Variants in NRCAM observed in about 807,000 individuals in gnomAD.
The protein encoded by NRCAM is neuronal cell adhesion molecule.
NRCAM carries 83 observed loss-of-function variants against 156.5 expected under a neutral mutation model. The ratio of observed to expected loss-of-function variants is 0.53; its 90% confidence interval spans 0.44 to 0.64. The LOEUF (loss-of-function observed/expected upper bound fraction) is 0.64. Among genes scored for constraint, NRCAM ranks in the 30% least tolerant of loss-of-function variants. NRCAM has a pLI of 0.00. For synonymous variants in NRCAM, 538 were observed against 563.9 expected, an observed-to-expected ratio of 0.95 and a Z score of 0.65; for missense variants, 1,417 against 1,597.3, an observed-to-expected ratio of 0.89 and a Z score of 1.92.
intron 28 of NRCAM, among the ~76,000 whole-genome samples, chr7:108,168,704 G>A (rs1054267911): frequency 3.3e-5 from 5 of 152,106 alleles, no homozygotes; most frequent in South Asian, 2.1e-4. Context: ...AAATGTCACC[G>A]TCTTCATTTA....
rs534028428 is a variant in NRCAM at position 108,201,154 on chromosome 7, C to A, written c.1208-3055G>T. ...ATAATACAAGAATAAAGTAGAGAAACAAACTAAATTTTTAAGGTCGGTAAA... is the reference window on the plus strand; with the variant it reads ...ATAATACAAGAATAAAGTAGAGAAAAAAACTAAATTTTTAAGGTCGGTAAA... On this transcript the variant is annotated intron_variant, in intron 13 of 32. Transcript: ENST00000379028. Among the ~76,000 whole-genome samples, 138 of 132,080 alleles carry A rather than the reference C, an allele frequency of 1.0e-3. 1 individual carries two copies. Among genetic ancestry groups the A allele is most frequent in the Non-Finnish European group, 1.5e-3 (91 of 61,176 alleles). The allele number at this position is 132,080 out of a possible 152,430, so 86.6% of individuals were successfully genotyped here. A position where few individuals can be genotyped will look rare whatever the true frequency, so the allele number is the denominator to read the frequency against.
chr7:108,334,419 C>G (rs73418484), intron 2 of NRCAM, among the ~76,000 whole-genome samples: 5,410 of 152,272 alleles, frequency 0.036, 349 homozygotes, highest in African/African-American at 0.12. Context: ...AATCCATCCC[C>G]TACCTACGAC....
At chr7:108,213,439 A>C (rs2085900915) in intron 11 of NRCAM, among the ~76,000 whole-genome samples, 1 of 152,200 alleles carries the variant, frequency 6.6e-6, no homozygotes, top group South Asian at 2.1e-4. Context: ...ATTGAATGTA[A>C]ATGGCCTGAG....
At chr7:108,316,785 T>A (rs1307119217) in intron 2 of NRCAM, among the ~76,000 whole-genome samples, 1 of 135,972 alleles carries the variant, frequency 7.4e-6, no homozygotes, top group African/African-American at 2.8e-5. Flanking sequence ...CAAGACTCCA[T>A]CTCAAAAAAA....
intron 2 of NRCAM, among the ~76,000 whole-genome samples, chr7:108,393,559 C>A (rs185526457): frequency 2.6e-5 from 4 of 152,080 alleles, no homozygotes; most frequent in Admixed American, 2.0e-4. Context: ...CACCTTGCTT[C>A]GGCTCTCACT....
At chr7:108,385,338 A>AG in intron 2 of NRCAM, among the ~76,000 whole-genome samples, 1 of 152,342 alleles carries the variant, frequency 6.6e-6, no homozygotes, top group Non-Finnish European at 1.5e-5. Context: ...ACTGTTAACC[A>AG]GGTAAGTGTA....
chr7:108,326,990 C>T (rs1212959738), intron 2 of NRCAM, among the ~76,000 whole-genome samples: 1 of 152,130 alleles, frequency 6.6e-6, no homozygotes, highest in Non-Finnish European at 1.5e-5. Context: ...CTCCCTTCTC[C>T]CTCACTCTCT....
At chr7:108,352,266 T>C (rs2099418526) in intron 2 of NRCAM, among the ~76,000 whole-genome samples, 1 of 152,210 alleles carries the variant, frequency 6.6e-6, no homozygotes, top group Admixed American at 6.5e-5. Context: ...ACCAGTCCAT[T>C]AAAATAATGA....
chr7:108,333,781 A>G (rs1188507027), intron 2 of NRCAM, among the ~76,000 whole-genome samples: 1 of 152,234 alleles, frequency 6.6e-6, no homozygotes, highest in East Asian at 1.9e-4. Flanking sequence ...TAAAAGATCA[A>G]TGCAACTCTT....
intron 8 of NRCAM, among the ~76,000 whole-genome samples, chr7:108,230,748 T>C (rs2094217624): frequency 6.6e-6 from 1 of 152,056 alleles, no homozygotes; most frequent in African/African-American, 2.4e-5. Flanking sequence ...ATAGAACTTA[T>C]TGCCAACAAA....
chr7:108,162,907 C>A (rs985758746), intron 30 of NRCAM, among the ~76,000 whole-genome samples: 2 of 152,062 alleles, frequency 1.3e-5, no homozygotes, highest in African/African-American at 2.4e-5. Flanking sequence ...GATTTAAATT[C>A]CAGAATGATT....
At chr7:108,451,789 G>A (rs1291751101) in intron 1 of NRCAM, among the ~76,000 whole-genome samples, 1 of 152,146 alleles carries the variant, frequency 6.6e-6, no homozygotes, top group African/African-American at 2.4e-5. Flanking sequence ...GCCAGGGGCT[G>A]GGGGCTGAGG....
At chr7:108,343,575 C>G (rs1340510853) in intron 2 of NRCAM, among the ~76,000 whole-genome samples, 1 of 152,184 alleles carries the variant, frequency 6.6e-6, no homozygotes, top group African/African-American at 2.4e-5. Flanking sequence ...AGCCCCAGTA[C>G]TCAAAAGAAG....
intron 3 of NRCAM, among the ~76,000 whole-genome samples, chr7:108,290,025 T>C (rs1312487217): frequency 1.3e-5 from 2 of 152,166 alleles, no homozygotes; most frequent in African/African-American, 2.4e-5. Context: ...AGCAAGCCTA[T>C]GGTGTTACTA....
Position 108,198,021 on chromosome 7 carries a change from A to T in NRCAM, c.1286T>A (p.Val429Asp), listed in dbSNP as rs749869942. 1 of 1,598,770 alleles carries T rather than the reference A, an allele frequency of 6.3e-7. No homozygotes were observed. Residue 429 changes from valine (V) to aspartate (D), a missense_variant, in exon 14 of 33, where the codon GTC (valine) becomes GAC (aspartate). Physicochemically the swap from Val to Asp is radical, Grantham distance 152. Around this residue, in one of 2 missense-constraint regions of NRCAM, gnomAD observed 1,238 missense variants for 1,336.4 expected, o/e 0.93. Coordinates refer to ENST00000379028, the MANE Select transcript of NRCAM (RefSeq NM_001037132.4). Reference sequence around the variant, plus strand: ...TTCATTAGAGGCATTGCACTGATAGACTGCACTTGATCTTTCTTGAACATT... The same window carrying T: ...TTCATTAGAGGCATTGCACTGATAGTCTGCACTTGATCTTTCTTGAACATT... ...FSNVQERSSAVYQCNASNEYG... is the reference protein window; with the variant it reads ...FSNVQERSSADYQCNASNEYG...
At chr7:108,155,969 GTA>G (rs1382769546) in intron 32 of NRCAM, among the ~76,000 whole-genome samples, 1 of 151,988 alleles carries the variant, frequency 6.6e-6, no homozygotes, top group Non-Finnish European at 1.5e-5. Context: ...ATCCTACTGA[GTA>G]AAATTCGGCA....
chr7:108,391,934 G>A (rs1451478330), intron 2 of NRCAM, among the ~76,000 whole-genome samples: 1 of 152,194 alleles, frequency 6.6e-6, no homozygotes, highest in Non-Finnish European at 1.5e-5. Context: ...AGTTTCTGCC[G>A]AGAGATCCGC....
Position 108,160,517 on chromosome 7 carries a change from G to C in NRCAM, c.3467-25C>G, listed in dbSNP as rs371980311. 5 of 1,610,000 alleles carry C rather than the reference G, an allele frequency of 3.1e-6. No individual in the cohort carries two copies. The African/African-American group carries it at 6.7e-5, about 22-fold the overall frequency. On this transcript the variant is annotated intron_variant, in intron 30 of 32. Coordinates refer to ENST00000379028, the MANE Select transcript of NRCAM (RefSeq NM_001037132.4). ...GCTGGAAAACAAATCAATGGTGTTG[G>C]TGGCAATAGGTTAAGGGGAGATGGG...
chr7:108,370,042 G>C (rs1461933912), intron 2 of NRCAM, among the ~76,000 whole-genome samples: 1 of 152,106 alleles, frequency 6.6e-6, no homozygotes, highest in Non-Finnish European at 1.5e-5. Flanking sequence ...TTCGGTAATA[G>C]AATCATTCAT....
Sources: gnomAD v4.1 joint callset for allele counts (sites outside exome capture counted in the v4.1 genomes callset) on GRCh38, gnomAD v4.1.1 for gene constraint, gnomAD v4.1.1 regional missense constraint, MANE v1.5 for transcripts, NCBI Gene and HGNC (gene_info 2026-07-23, HGNC 2026-07-21) for gene names.